Variants in SP140 observed in about 807,000 individuals in gnomAD.
The protein encoded by SP140 is nuclear body protein SP140.
SP140 carries 81 observed loss-of-function variants against 125.0 expected under a neutral mutation model. The observed-to-expected ratio is 0.65, with a 90% CI of 0.54 to 0.78. The LOEUF (loss-of-function observed/expected upper bound fraction) is 0.78, where lower values mean the gene tolerates loss of function less well. SP140 is among the 30% of genes least tolerant of loss of function. SP140 has a pLI of 0.00. For missense variants in SP140, 858 were observed against 1,037.0 expected (o/e 0.83, Z 2.37); for synonymous variants, 312 against 354.0 (o/e 0.88, Z 1.33).
chr2:230,316,487 T>C (rs1288500100), downstream of SP140, among the ~76,000 whole-genome samples: 7 of 152,324 alleles, frequency 4.6e-5, no homozygotes, highest in Middle Eastern at 6.8e-3. Flanking sequence ...TATACCATCT[T>C]AATAAATAAA....
intron 22 of SP140, among the ~76,000 whole-genome samples, chr2:230,300,167 A>C (rs1251551136): frequency 6.6e-6 from 1 of 152,198 alleles, no homozygotes; most frequent in African/African-American, 2.4e-5. Flanking sequence ...GTCTCTTGAA[A>C]GTGCCACCTC....
At chr2:230,281,962 A>G (rs561743145) in intron 15 of SP140, among the ~76,000 whole-genome samples, 4 of 152,268 alleles carry the variant, frequency 2.6e-5, no homozygotes, top group South Asian at 4.1e-4. Context: ...TCTTTCCCCC[A>G]GGACCCATGA....
chr2:230,198,565 G>A (rs1251455428), upstream of SP140, among the ~76,000 whole-genome samples: 1 of 152,054 alleles, frequency 6.6e-6, no homozygotes, highest in East Asian at 1.9e-4. Flanking sequence ...AGGTGTGGCC[G>A]TGCAACCAGT....
At chr2:230,264,050 T>C (rs563130402) in intron 12 of SP140, among the ~76,000 whole-genome samples, 22 of 152,340 alleles carry the variant, frequency 1.4e-4, no homozygotes, top group Non-Finnish European at 2.6e-4. Context: ...TCTTTGATTA[T>C]TCCCCCAAAT....
chr2:230,288,467 T>G (rs2056695105), intron 18 of SP140, among the ~76,000 whole-genome samples: 1 of 80,396 alleles, frequency 1.2e-5, no homozygotes, highest in Non-Finnish European at 2.8e-5. Flanking sequence ...CTTTCTTTCT[T>G]TCTTTCTTTC....
At chr2:230,199,084 G>A (rs1195279153), upstream of SP140, among the ~76,000 whole-genome samples, 1 of 150,856 alleles carries the variant, frequency 6.6e-6, no homozygotes, top group Non-Finnish European at 1.5e-5. Flanking sequence ...ACCCTACAGT[G>A]TATGACACCA....
chr2:230,264,301 G>T (rs2052722580), intron 12 of SP140, among the ~76,000 whole-genome samples: 1 of 152,120 alleles, frequency 6.6e-6, no homozygotes, highest in Non-Finnish European at 1.5e-5. Context: ...TTCTAAAAGT[G>T]TGTCCAAAGT....
chr2:230,198,436 A>G (rs1274653687), upstream of SP140, among the ~76,000 whole-genome samples: 2 of 152,214 alleles, frequency 1.3e-5, no homozygotes, highest in African/African-American at 4.8e-5. Context: ...GGGCAGGGTG[A>G]GCACTGCTAG....
intron 23 of SP140, 40 bp downstream of exon 23, chr2:230,310,079 G>A (rs867832814): frequency 6.3e-7 from 1 of 1,597,410 alleles, no homozygotes; most frequent in Non-Finnish European, 8.6e-7. Context: ...GTCCTTTAAG[G>A]GATCTTCCAC....
chr2:230,251,625 T>C lies in SP140; in HGVS notation c.1057+564T>C, dbSNP rs752294478. On this transcript the variant is annotated intron_variant, in intron 10 of 26. Coordinates refer to ENST00000392045, the MANE Select transcript of SP140 (RefSeq NM_007237.5). ...ATCATCCCTCTGCTGGTAGATACTT[T>C]TTATCATTTTATTACAAACTTGACA... Among the ~76,000 whole-genome samples the C allele has an allele frequency of 4.7e-4, 71 of 152,318 alleles. No individual in the cohort carries two copies. The Middle Eastern group carries it at 0.01, about 22-fold the overall frequency.
At chr2:230,291,623 T>C (rs2057123185) in intron 19 of SP140, among the ~76,000 whole-genome samples, 1 of 152,234 alleles carries the variant, frequency 6.6e-6, no homozygotes, top group Non-Finnish European at 1.5e-5. Flanking sequence ...ACAAATAATA[T>C]ATGTCATTGT....
downstream of SP140, among the ~76,000 whole-genome samples, chr2:230,314,738 T>C (rs1338589387): frequency 6.6e-6 from 1 of 152,210 alleles, no homozygotes; most frequent in African/African-American, 2.4e-5. Context: ...GAGTTCCTCC[T>C]AAGGGGAACA....
At chr2:230,201,076 G>C, upstream of SP140, 2 of 827,576 alleles carry the variant, frequency 2.4e-6, no homozygotes, top group South Asian at 2.7e-5. Flanking sequence ...GAGGCTCCAG[G>C]TCTTACCCTC....
At chr2:230,298,337 A>C (rs957505299) in intron 22 of SP140, among the ~76,000 whole-genome samples, 10 of 152,212 alleles carry the variant, frequency 6.6e-5, no homozygotes, top group Admixed American at 1.3e-4. Flanking sequence ...AATATCATGC[A>C]ATAGCACTGA....
chr2:230,213,879 C>T (rs2148932692), intron 2 of SP140: 1 of 152,364 alleles, frequency 6.6e-6, no homozygotes, highest in South Asian at 2.1e-4. Context: ...GACAGTGGGC[C>T]CTCTGTAGCT....
downstream of SP140, among the ~76,000 whole-genome samples, chr2:230,313,979 C>G (rs1427518800): frequency 6.6e-6 from 1 of 152,128 alleles, no homozygotes; most frequent in Non-Finnish European, 1.5e-5. Context: ...CTAGTCGTTA[C>G]CAGCCTAAGG....
At chr2:230,238,793 C>T (rs1309838169) in intron 3 of SP140, 2 of 1,553,604 alleles carry the variant, frequency 1.3e-6, no homozygotes, top group East Asian at 2.4e-5. Context: ...CCTGTGTCAA[C>T]TTGTTTCTCC....
chr2:230,286,506 T>C (rs1442016318), intron 17 of SP140, among the ~76,000 whole-genome samples: 1 of 152,186 alleles, frequency 6.6e-6, no homozygotes, highest in East Asian at 1.9e-4. Flanking sequence ...GCCTGACAGG[T>C]GCAGCCGTGA....
In SP140 at chr2:230,211,401, C is replaced by T. The variant is rs1278986080; in HGVS notation, c.-322-2253C>T. 15 of 1,005,454 alleles carry T rather than the reference C, an allele frequency of 1.5e-5. No homozygotes were observed. Among genetic ancestry groups the T allele is most frequent in the East Asian group, 1.4e-4 (6 of 42,070 alleles). 62.3% of individuals were successfully genotyped at this position (1,005,454 alleles called of 1,614,324 possible). A position where few individuals can be genotyped will look rare whatever the true frequency, so the allele number is the denominator to read the frequency against. On this transcript the variant is annotated intron_variant, in intron 1 of 4. Transcript: ENST00000456542. The surrounding 1 kb of genome is among the most constrained non-coding windows in gnomAD (Gnocchi z 4.2). ...AGGAGAGCCCCCTCTCTAGAAGATC[C>T]GAATGGCTTTTCCTCTTAGTAAACA...
Sources: allele counts gnomAD v4.1 joint callset (sites outside exome capture counted in the v4.1 genomes callset), GRCh38; gene constraint gnomAD v4.1.1; non-coding constraint Gnocchi (gnomAD v3.1); transcripts MANE v1.5; gene names NCBI Gene and HGNC (gene_info 2026-07-23, HGNC 2026-07-21).